RDM1: variants seen among roughly 807,000 people sequenced by gnomAD.
The protein encoded by RDM1 is RAD52 motif-containing protein 1.
In RDM1, 28 loss-of-function variants were observed where a neutral mutation model predicts 27.7. That is an observed-to-expected ratio of 1.01 (90% CI 0.75 to 1.39). RDM1 has a LOEUF of 1.39. Among genes scored for constraint, RDM1 ranks in the 40% most tolerant of loss-of-function variants. RDM1 has a pLI of 0.00. For missense variants in RDM1, 277 were observed against 337.3 expected (o/e 0.82, Z 1.40); for synonymous variants, 124 against 127.5 (o/e 0.97, Z 0.19).
At chr17:35,918,514 G>GT (rs887382584) in intron 6 of RDM1, 71 bp from the exon 7 acceptor site, 188 of 1,300,800 alleles carry the variant, frequency 1.4e-4, no homozygotes, top group Non-Finnish European at 2.0e-4. Context: ...AAATGTTGCC[G>GT]TTTTTGCTAA....
Position 35,925,554 on chromosome 17 carries a change from G to C in RDM1, c.360C>G (p.Tyr120Ter). The change falls in exon 3 of 7, where the codon TAC becomes TAG. Residue 120 changes from tyrosine to a stop codon, truncating the protein, a stop_gained. Coordinates refer to ENST00000620284, the MANE Select transcript of RDM1 (RefSeq NM_145654.4). LOFTEE classifies it high-confidence loss of function. ...TGGAACACCCATTGAAACCAAAGTAGTAATTCGCCAGTTCTTGGCATTTGG... is the reference window on the plus strand; with the variant it reads ...TGGAACACCCATTGAAACCAAAGTACTAATTCGCCAGTTCTTGGCATTTGG... The part of the protein sequence containing the change: ...NSSKCQELAN[Y>*]YFGFNGCSKR... The C allele has an allele frequency of 6.2e-7, 1 of 1,614,004 alleles. No individual in the cohort carries two copies. The highest frequency in any genetic ancestry group is 8.5e-7 in the Non-Finnish European group (1 of 1,180,030).
intron 4 of RDM1, 29 bp downstream of exon 4, chr17:35,924,575 A>T (rs762158708): frequency 6.3e-7 from 1 of 1,591,778 alleles, no homozygotes; most frequent in Non-Finnish European, 8.6e-7. Flanking sequence ...CCAAATCCCT[A>T]CCCTCCTCCA....
intron 6 of RDM1, among the ~76,000 whole-genome samples, chr17:35,918,847 C>T (rs2088836706): frequency 6.6e-6 from 1 of 152,202 alleles, no homozygotes; most frequent in South Asian, 2.1e-4. Context: ...CCATTGTTAC[C>T]TATTTTATTA....
rs892619665 is a variant in RDM1 at position 35,925,638 on chromosome 17, C to T, written c.277-1G>A. ...CCTTATGTCTGGTGCCAAGACGAAC[C>T]TAAAATCATAGGAGATAGACCCATA... On this transcript the variant is annotated splice_acceptor_variant, in intron 2 of 6. Coordinates refer to ENST00000620284, the MANE Select transcript of RDM1 (RefSeq NM_145654.4). LOFTEE classifies it high-confidence loss of function. The T allele has an allele frequency of 6.2e-7, 1 of 1,611,956 alleles. No homozygotes were observed. Among genetic ancestry groups the T allele is most frequent in the Non-Finnish European group, 8.5e-7 (1 of 1,178,552 alleles).
At chr17:35,920,589 A>G (rs2088907786) in intron 5 of RDM1, among the ~76,000 whole-genome samples, 1 of 151,736 alleles carries the variant, frequency 6.6e-6, no homozygotes, top group African/African-American at 2.4e-5. Flanking sequence ...CCTCCAGAGT[A>G]GCAAGGACTA....
At chr17:35,929,453 T>C (rs1389057732) in intron 2 of RDM1, among the ~76,000 whole-genome samples, 1 of 151,932 alleles carries the variant, frequency 6.6e-6, no homozygotes, top group Non-Finnish European at 1.5e-5. Flanking sequence ...TCTTTCTTTC[T>C]TTTTTTGAGA....
chr17:35,924,683 T>A lies in RDM1; in HGVS notation c.489A>T (p.Leu163Phe). 9.3e-6 allele frequency: 15 copies of A among 1,614,214 alleles called. No homozygotes were observed. Among genetic ancestry groups the A allele is most frequent in the Non-Finnish European group, 1.1e-5 (13 of 1,180,022 alleles). ...AATCACAGGATGGCAACACCACTTC[T>A]AAAGCACAGAAGAACTTCAGGCTTT... Reference protein sequence around the residue: ...PKQSLKFFCALEVVLPSCDCR... With the variant: ...PKQSLKFFCAFEVVLPSCDCR... Residue 163 changes from leucine to phenylalanine, a missense_variant, in exon 4 of 7, where the codon TTA becomes TTT. By Grantham distance (22) the Leu-to-Phe change is conservative (BLOSUM62 0). Coordinates refer to ENST00000620284, the MANE Select transcript of RDM1 (RefSeq NM_145654.4).
intron 5 of RDM1, 75 bp from the exon 6 acceptor site, chr17:35,920,347 C>T (rs1015977692): frequency 3.2e-6 from 2 of 626,092 alleles, no homozygotes; most frequent in Non-Finnish European, 5.5e-6. Context: ...GGTAGCACCC[C>T]ATGATGAAAC....
chr17:35,924,218 C>T (rs2089052652), intron 4 of RDM1, among the ~76,000 whole-genome samples: 1 of 151,962 alleles, frequency 6.6e-6, no homozygotes, highest in Non-Finnish European at 1.5e-5. Context: ...AAGATCCTAT[C>T]TCTAAAAAAT....
At position 35,919,764 on chromosome 17, in the gene RDM1, A is replaced by G. The variant is rs558071779; in HGVS notation, c.753+423T>C. ...TACCCAAGATATACGTGAGATATTGAGATCCAGGTAATAAACTGTATTTGA... is the reference window on the plus strand; with the variant it reads ...TACCCAAGATATACGTGAGATATTGGGATCCAGGTAATAAACTGTATTTGA... On this transcript the variant is annotated intron_variant, in intron 6 of 6. Coordinates refer to ENST00000620284, the MANE Select transcript of RDM1 (RefSeq NM_145654.4). Among the ~76,000 whole-genome samples the G allele has an allele frequency of 5.3e-5, 8 of 152,346 alleles. No homozygotes were observed. The South Asian group carries it at 1.7e-3, about 32-fold the overall frequency.
At position 35,930,677 on chromosome 17, in the gene RDM1, C is replaced by T. The variant is rs554693641; in HGVS notation, c.51G>A (p.Leu17=). Residue 17 remains leucine (L), a synonymous_variant, in exon 1 of 7, where the codon TTG becomes TTA. Transcript: ENST00000620284. ...FAVPIESDKT[L]LVWELSSGPT... ...GTCCGGAGCTCAGCTCCCACACTAG[C>T]AAGGTTTTGTCACTCTCGATGGGAA... 14 of 1,613,984 alleles carry T rather than the reference C, an allele frequency of 8.7e-6. No homozygotes were observed. In the South Asian group the frequency reaches 1.3e-4, roughly 15 times the overall value.
chr17:35,925,813 C>T (rs1461835089), intron 2 of RDM1, among the ~76,000 whole-genome samples, 176 bp from the exon 3 acceptor site: 1 of 152,098 alleles, frequency 6.6e-6, no homozygotes, highest in Non-Finnish European at 1.5e-5. Flanking sequence ...CACCACCCAT[C>T]CCCCTCCCCA....
chr17:35,922,500 A>G (rs1433888369), intron 5 of RDM1, 77 bp downstream of exon 5: 1 of 1,556,342 alleles, frequency 6.4e-7, no homozygotes, highest in African/African-American at 1.4e-5. Context: ...CAATATTTTT[A>G]TTCAATTAAC....
At chr17:35,922,455 G>T in intron 5 of RDM1, 122 bp downstream of exon 5, 1 of 1,194,092 alleles carries the variant, frequency 8.4e-7, no homozygotes, top group Non-Finnish European at 1.1e-6. Flanking sequence ...AAATAATTTA[G>T]CAAATGAAAG....
chr17:35,918,441 G>C lies in RDM1; in HGVS notation c.756C>G (p.Val252=), dbSNP rs2088820059. ...CEEELHGLIQ[V]PCSPWKQYGQ... ...CATACTGCTTCCAGGGAGAGCAAGG[G>C]ACCTGCAAAATGTGCGCTAGTTAGG... Residue 252 remains valine (V), a splice_region_variant and synonymous_variant, in exon 7 of 7, where the codon GTC becomes GTG. Transcript: ENST00000620284. 1.9e-6 allele frequency: 3 copies of C among 1,613,634 alleles called. No homozygotes were observed. Among genetic ancestry groups the C allele is most frequent in the Non-Finnish European group, 2.5e-6 (3 of 1,179,726 alleles).
chr17:35,930,159 T>C lies in RDM1; in HGVS notation c.193A>G (p.Ile65Val), dbSNP rs1237575544. ...GCAGCCCTTGCAGAATAAAACTTAA[T>C]GACGGCATAGAAACCAGGATGGGCC... ...AVAHPGFYAV[I>V]KFYSARAAHR... The change falls in exon 2 of 7, where the codon ATT (isoleucine) becomes GTT (valine). Residue 65 changes from isoleucine to valine, a missense_variant. By Grantham distance (29) the Ile-to-Val change is conservative. Transcript: ENST00000620284. 1 of 1,614,060 alleles carries C rather than the reference T, an allele frequency of 6.2e-7. No individual in the cohort carries two copies. The highest frequency in any genetic ancestry group is 1.3e-5 in the African/African-American group (1 of 74,914).
chr17:35,922,683 C>T lies in RDM1; in HGVS notation c.569-8G>A, dbSNP rs2088989040. The T allele has an allele frequency of 6.3e-7, 1 of 1,583,584 alleles. No individual in the cohort carries two copies. Among genetic ancestry groups the T allele is most frequent in the Admixed American group, 1.9e-5 (1 of 52,550 alleles). ...TAAGGAATGATAATGGTCCTAAATCCAACCAAAACAAATGGATTTAAGGTG... is the reference window on the plus strand; with the variant it reads ...TAAGGAATGATAATGGTCCTAAATCTAACCAAAACAAATGGATTTAAGGTG... On this transcript the variant is annotated splice_polypyrimidine_tract_variant and splice_region_variant and intron_variant, in intron 4 of 6. Transcript: ENST00000620284.
Position 35,920,177 on chromosome 17 carries a change from C to A in RDM1, c.753+10G>T. On this transcript the variant is annotated intron_variant, in intron 6 of 6. Transcript: ENST00000620284. The stretch of plus-strand genomic sequence containing the variant: ...GGCTATGTTACCCCTGAGTTTTTAT[C>A]TTCACATACTTGAATTAAACCGTGT... The A allele has an allele frequency of 6.9e-7, 1 of 1,459,630 alleles. No homozygotes were observed. The highest frequency in any genetic ancestry group is 9.5e-7 in the Non-Finnish European group (1 of 1,052,002). The allele number at this position is 1,459,630 out of a possible 1,614,324, so 90.4% of individuals were successfully genotyped here.
At chr17:35,926,186 A>C (rs998673173) in intron 2 of RDM1, among the ~76,000 whole-genome samples, 4 of 151,926 alleles carry the variant, frequency 2.6e-5, no homozygotes, top group African/African-American at 9.7e-5. Context: ...TGCAACTGAA[A>C]GGAGAGGTAT....
Sources: gnomAD v4.1 joint callset for allele counts (sites outside exome capture counted in the v4.1 genomes callset) on GRCh38, gnomAD v4.1.1 for gene constraint, MANE v1.5 for transcripts, NCBI Gene and HGNC (gene_info 2026-07-23, HGNC 2026-07-21) for gene names.